Variants in VAV3 observed in about 807,000 individuals in gnomAD.
VAV3 encodes the protein vav guanine nucleotide exchange factor 3.
In VAV3, 94 loss-of-function variants were observed where a neutral mutation model predicts 131.2. The observed-to-expected ratio is 0.72, with a 90% CI of 0.61 to 0.85. The LOEUF (loss-of-function observed/expected upper bound fraction) is 0.85. Among genes scored for constraint, VAV3 ranks in the 40% least tolerant of loss-of-function variants. VAV3 has a pLI of 0.00. For synonymous variants in VAV3, 349 were observed against 342.0 expected (o/e 1.02, Z -0.22); for missense variants, 939 against 1,002.7 (o/e 0.94, Z 0.86).
chr1:107,882,816 G>A (rs1231157674), intron 1 of VAV3, among the ~76,000 whole-genome samples: 1 of 152,122 alleles, frequency 6.6e-6, no homozygotes, highest in East Asian at 1.9e-4. Flanking sequence ...AATATCCCCT[G>A]AATTACAAAA....
intron 19 of VAV3, among the ~76,000 whole-genome samples, chr1:107,671,701 G>T (rs1657805386): frequency 1.3e-5 from 2 of 152,090 alleles, no homozygotes; most frequent in African/African-American, 4.8e-5. Context: ...GAACTCAAAA[G>T]GCAGAGCCAT....
intron 20 of VAV3, among the ~76,000 whole-genome samples, chr1:107,619,111 C>G (rs1653385862): frequency 6.6e-6 from 1 of 152,136 alleles, no homozygotes. Context: ...AGAAGATGAT[C>G]TGTTTCTGAG....
chr1:107,794,639 G>T (rs1018620778), intron 2 of VAV3, among the ~76,000 whole-genome samples: 1 of 152,146 alleles, frequency 6.6e-6, no homozygotes, highest in African/African-American at 2.4e-5. Flanking sequence ...TTAGGACTCT[G>T]TTACTTGTGG....
intron 2 of VAV3, among the ~76,000 whole-genome samples, chr1:107,787,190 T>C (rs1666054535): frequency 6.6e-6 from 1 of 152,152 alleles, no homozygotes; most frequent in South Asian, 2.1e-4. Flanking sequence ...CCAGGTCCCT[T>C]TTCTTCTGTC....
intron 15 of VAV3, among the ~76,000 whole-genome samples, chr1:107,728,607 G>GTATATGTATATGTA: frequency 1.0e-5 from 1 of 96,480 alleles, no homozygotes; most frequent in South Asian, 2.8e-4. Context: ...ATACGTATAT[G>GTATATGTATATGTA]TATATGTATA....
In VAV3 at chr1:107,733,540, C is replaced by T. The variant is rs181111284; in HGVS notation, c.1502+15428G>A. 4.3e-4 allele frequency among the ~76,000 whole-genome samples: 65 copies of T among 152,230 alleles called. 4 individuals carry two copies. Among genetic ancestry groups the T allele is most frequent in the Admixed American group, 3.9e-3 (59 of 15,286 alleles). On this transcript the variant is annotated intron_variant, in intron 15 of 26. Transcript: ENST00000370056. ...ACTAGAATAAACAGTGTAGAGAAGA[C>T]CTTAAATGACCTGATGGAGCTGAAA...
intron 1 of VAV3, among the ~76,000 whole-genome samples, chr1:107,903,912 A>G (rs1671985741): frequency 6.6e-6 from 1 of 151,960 alleles, no homozygotes; most frequent in African/African-American, 2.4e-5. Context: ...AGCTCCTCTC[A>G]ACCCTCTGCC....
At chr1:107,962,177 C>T (rs1028651805) in intron 1 of VAV3, among the ~76,000 whole-genome samples, 4 of 152,154 alleles carry the variant, frequency 2.6e-5, no homozygotes, top group Admixed American at 2.6e-4. Context: ...GTAGACAGAA[C>T]GACTCTCAGA....
At chr1:107,602,604 C>T (rs148607063) in intron 23 of VAV3, 120 bp from the exon 24 acceptor site, 6 of 715,954 alleles carry the variant, frequency 8.4e-6, no homozygotes, top group Middle Eastern at 3.3e-4. Flanking sequence ...AAAATATATA[C>T]CTATGCCAAT....
intron 17 of VAV3, among the ~76,000 whole-genome samples, chr1:107,698,788 T>C (rs1659899579): frequency 6.6e-6 from 1 of 152,074 alleles, no homozygotes; most frequent in Admixed American, 6.5e-5. Context: ...CTTACAATCA[T>C]GGCAGAAGGC....
At chr1:107,934,127 C>A (rs888986130) in intron 1 of VAV3, among the ~76,000 whole-genome samples, 4 of 152,270 alleles carry the variant, frequency 2.6e-5, no homozygotes, top group Admixed American at 6.5e-5. Flanking sequence ...AAAGTGCCTT[C>A]TATTCTTATT....
intron 22 of VAV3, among the ~76,000 whole-genome samples, chr1:107,603,942 C>A (rs191957310): frequency 4.9e-4 from 74 of 152,114 alleles, no homozygotes; most frequent in South Asian, 3.5e-3. Flanking sequence ...GTAGTTGATA[C>A]CACCGGTGTG....
At chr1:107,922,639 CA>C (rs746603545) in intron 1 of VAV3, among the ~76,000 whole-genome samples, 1 of 152,080 alleles carries the variant, frequency 6.6e-6, no homozygotes, top group Non-Finnish European at 1.5e-5. Flanking sequence ...GACTCATGTA[CA>C]ATAAATTGCA....
chr1:107,799,215 C>G (rs1666711119), intron 2 of VAV3, among the ~76,000 whole-genome samples: 1 of 151,316 alleles, frequency 6.6e-6, no homozygotes, highest in Non-Finnish European at 1.5e-5. Flanking sequence ...TTGGGTAGTC[C>G]CCTGGCATAT....
At chr1:107,924,993 T>C (rs1284209008) in intron 1 of VAV3, among the ~76,000 whole-genome samples, 1 of 152,144 alleles carries the variant, frequency 6.6e-6, no homozygotes, top group East Asian at 1.9e-4. Context: ...ATATTTGTAA[T>C]ACTAAAACTT....
intron 2 of VAV3, among the ~76,000 whole-genome samples, chr1:107,788,651 A>ACT (rs1457849081): frequency 6.6e-6 from 1 of 152,146 alleles, no homozygotes; most frequent in East Asian, 1.9e-4. Flanking sequence ...AAAACCTGGA[A>ACT]CTCATCCATG....
chr1:107,576,069 C>T (rs1649622557), intron 25 of VAV3, among the ~76,000 whole-genome samples: 1 of 152,020 alleles, frequency 6.6e-6, no homozygotes, highest in African/African-American at 2.4e-5. Context: ...TTCAACTAAA[C>T]TTTCTGGTCT....
chr1:107,920,034 G>C (rs920689787), intron 1 of VAV3, among the ~76,000 whole-genome samples: 1 of 152,120 alleles, frequency 6.6e-6, no homozygotes, highest in East Asian at 1.9e-4. Flanking sequence ...CTTTCATAAT[G>C]TCTGACCTTA....
chr1:107,845,968 C>T (rs115829153), intron 2 of VAV3, among the ~76,000 whole-genome samples: 3 of 152,100 alleles, frequency 2.0e-5, no homozygotes, highest in South Asian at 2.1e-4. Context: ...AGATACTCCA[C>T]GAGAAGAGCA....
Sources: gnomAD v4.1 joint callset for allele counts (sites outside exome capture counted in the v4.1 genomes callset) on GRCh38, gnomAD v4.1.1 for gene constraint, MANE v1.5 for transcripts, NCBI Gene and HGNC (gene_info 2026-07-23, HGNC 2026-07-21) for gene names.